Variants in FAAP20 observed in about 807,000 individuals in gnomAD.
FAAP20 encodes FA core complex associated protein 20.
FAAP20 carries 12 observed loss-of-function variants against 16.2 expected under a neutral mutation model. The ratio of observed to expected loss-of-function variants is 0.74; its 90% CI spans 0.48 to 1.20. The LOEUF (loss-of-function observed/expected upper bound fraction) is 1.20. FAAP20 is among the 50% of genes most tolerant of loss of function. The probability of loss-of-function intolerance (pLI) is 0.00; values close to 1 mark genes in which losing one functional copy is unlikely to be tolerated. For synonymous variants in FAAP20, 141 were observed against 110.7 expected, an observed-to-expected ratio of 1.27 and a Z score of -1.72; for missense variants, 288 against 245.8, an observed-to-expected ratio of 1.17 and a Z score of -1.15.
chr1:2,202,833 C>T (rs1689101561), upstream of FAAP20, among the ~76,000 whole-genome samples: 1 of 152,114 alleles, frequency 6.6e-6, no homozygotes, highest in Non-Finnish European at 1.5e-5. Flanking sequence ...AGGCTGGTCT[C>T]GTCAAACTCC....
At chr1:2,201,212 C>A, upstream of FAAP20, 1 of 1,216,614 alleles carries the variant, frequency 8.2e-7, no homozygotes, top group South Asian at 1.4e-5. Context: ...CATCCAACGC[C>A]TCCCTCGCTG....
downstream of FAAP20, chr1:2,185,185 C>T (rs375170466): frequency 6.9e-6 from 5 of 719,666 alleles, no homozygotes; most frequent in East Asian, 2.7e-5. Context: ...CAGTCCCTCA[C>T]ACCTGGGCCC....
intron 3 of FAAP20, chr1:2,190,257 G>T (rs1301386139): frequency 2.2e-6 from 1 of 457,104 alleles, no homozygotes; most frequent in East Asian, 6.9e-5. Context: ...GGCGAGGAGG[G>T]ACCAAGCCTC....
At chr1:2,204,756 G>C (rs970363692), upstream of FAAP20, among the ~76,000 whole-genome samples, 7 of 152,136 alleles carry the variant, frequency 4.6e-5, no homozygotes, top group Non-Finnish European at 8.8e-5. Context: ...TAAATCAGCA[G>C]TGAGCTGCAG....
downstream of FAAP20, chr1:2,186,179 T>C (rs1447922845): frequency 1.7e-5 from 7 of 409,420 alleles, no homozygotes; most frequent in Non-Finnish European, 3.0e-5. Context: ...CACGCAGCCC[T>C]CTTGGCCAGG....
At chr1:2,210,335 T>A (rs1007921167), downstream of FAAP20, among the ~76,000 whole-genome samples, 53 of 152,212 alleles carry the variant, frequency 3.5e-4, 1 homozygote, top group African/African-American at 1.3e-3. Context: ...TCTTTTCCCA[T>A]CCGGGTGCTG....
Position 2,199,783 on chromosome 1 carries a change from GA to G in FAAP20, n.124del, listed in dbSNP as rs1688972743. 5.0e-6 allele frequency: 2 copies of G among 396,996 alleles called. No homozygotes were observed. Among genetic ancestry groups the G allele is most frequent in the Non-Finnish European group, 6.8e-6 (2 of 292,154 alleles). 24.6% of individuals were successfully genotyped at this position (396,996 alleles called of 1,614,324 possible). On this transcript the variant is annotated non_coding_transcript_exon_variant, in exon 1 of 4. Transcript: ENST00000401813. The surrounding 1 kb of genome is among the most constrained non-coding windows in gnomAD (Gnocchi z 4.5). ...TGCAGTGTGAGCAGTGTTCTTGTAA[GA>G]AAAGGAAAATTGTCCGGGTGCAGTG...
downstream of FAAP20, among the ~76,000 whole-genome samples, chr1:2,187,451 C>T (rs1189154440): frequency 6.6e-6 from 1 of 152,000 alleles, no homozygotes; most frequent in Non-Finnish European, 1.5e-5. Flanking sequence ...ATTACAGGCA[C>T]CTGCCCCACG....
At chr1:2,193,232 T>G in intron 3 of FAAP20, 1 of 313,328 alleles carries the variant, frequency 3.2e-6, no homozygotes, top group Middle Eastern at 1.1e-3. Flanking sequence ...TACGTTGGGT[T>G]TCAAAAATAA....
chr1:2,204,951 A>AGCCCC (rs1275650490), intron 3 of FAAP20, among the ~76,000 whole-genome samples: 1 of 22,360 alleles, frequency 4.5e-5, no homozygotes, highest in Non-Finnish European at 8.5e-5. Context: ...CCGCCCCTCA[A>AGCCCC]GCCCCGCCCC....
downstream of FAAP20, chr1:2,189,454 G>C (rs924098468): frequency 1.8e-6 from 1 of 551,944 alleles, no homozygotes; most frequent in Non-Finnish European, 3.3e-6. Flanking sequence ...CCAGGGGAAA[G>C]GGGTCAGCTT....
downstream of FAAP20, among the ~76,000 whole-genome samples, chr1:2,209,821 C>G (rs1441122289): frequency 6.6e-6 from 1 of 152,228 alleles, no homozygotes; most frequent in Non-Finnish European, 1.5e-5. Flanking sequence ...CCTTCAGGCT[C>G]CCAGCCTTCC....
Position 2,189,611 on chromosome 1 carries a change from A to AGAGGCGGGGCTGCTGGCGGGGGAGCCGC in FAAP20, c.*97_*98insGCGGCTCCCCCGCCAGCAGCCCCGCCTC. 1.1e-6 allele frequency: 1 copy of AGAGGCGGGGCTGCTGGCGGGGGAGCCGC among 891,306 alleles called. No homozygotes were observed. The highest frequency in any genetic ancestry group is 1.7e-6 in the Non-Finnish European group (1 of 577,724). 55.2% of individuals were successfully genotyped at this position (891,306 alleles called of 1,614,324 possible). On this transcript the variant is annotated 3_prime_UTR_variant, in exon 4 of 4. Transcript: ENST00000378546. The stretch of plus-strand genomic sequence containing the variant: ...CTTTAATGCGCATGCGGGGGAGCCG[A>AGAGGCGGGGCTGCTGGCGGGGGAGCCGC]GAGGCGGGGCTGCTGGCGGGGGAGC...
At chr1:2,197,912 T>C, upstream of FAAP20, 1 of 1,208,572 alleles carries the variant, frequency 8.3e-7, no homozygotes, top group Non-Finnish European at 1.1e-6. Flanking sequence ...GCCTGACAGC[T>C]TCCCGACAGC....
chr1:2,197,807 A>G (rs958350335), upstream of FAAP20, among the ~76,000 whole-genome samples: 1 of 152,200 alleles, frequency 6.6e-6, no homozygotes, highest in African/African-American at 2.4e-5. Context: ...ACAGCCAGAG[A>G]TAAGTCCACA....
upstream of FAAP20, chr1:2,198,581 CCT>C: frequency 2.1e-6 from 2 of 959,982 alleles, no homozygotes; most frequent in Non-Finnish European, 2.7e-6. Flanking sequence ...GGTGACGGGC[CCT>C]GAGGCTGGCA....
chr1:2,205,380 C>G lies in FAAP20; in HGVS notation n.451+925G>C, dbSNP rs950549777. 1.1e-4 allele frequency among the ~76,000 whole-genome samples: 17 copies of G among 148,874 alleles called. 1 individual carries two copies. Among genetic ancestry groups the G allele is most frequent in the Admixed American group, 1.1e-3 (17 of 15,038 alleles). On this transcript the variant is annotated intron_variant and non_coding_transcript_variant, in intron 3 of 7. Coordinates refer to the FAAP20 transcript ENST00000469733. ...CCCCAGCTGTGTCCTCGGCGCCCAG[C>G]CTGGGGCAGCCGTCCCCGTGAGCCC...
downstream of FAAP20, among the ~76,000 whole-genome samples, chr1:2,189,142 C>T (rs1473799935): frequency 6.6e-6 from 1 of 151,490 alleles, no homozygotes; most frequent in Non-Finnish European, 1.5e-5. Flanking sequence ...CCAGCCTGGG[C>T]AACATGGCAA....
At chr1:2,201,206 C>A, upstream of FAAP20, 1 of 1,225,098 alleles carries the variant, frequency 8.2e-7, no homozygotes, top group African/African-American at 1.6e-5. Flanking sequence ...TGGCTCCATC[C>A]AACGCCTCCC....
Sources: allele counts gnomAD v4.1 joint callset (sites outside exome capture counted in the v4.1 genomes callset), GRCh38; gene constraint gnomAD v4.1.1; non-coding constraint Gnocchi (gnomAD v3.1); transcripts MANE v1.5; gene names NCBI Gene and HGNC (gene_info 2026-07-23, HGNC 2026-07-21).